Variants in UCHL3 observed in about 807,000 individuals in gnomAD.
UCHL3 encodes the protein ubiquitin C-terminal hydrolase L3, also known as ubiquitin carboxyl-terminal hydrolase isozyme L3.
Under a neutral mutation model 35.8 loss-of-function variants are expected in UCHL3, and 22 were observed. The observed-to-expected ratio is 0.61, with a 90% CI of 0.44 to 0.88. UCHL3 has a LOEUF of 0.88. Ranked by LOEUF, UCHL3 falls within the 40% of genes least tolerant of loss-of-function variation. The pLI, the probability that UCHL3 is intolerant of heterozygous loss-of-function variation, is 0.00. For synonymous variants in UCHL3, 90 were observed against 92.8 expected, an observed-to-expected ratio of 0.97 and a Z score of 0.17; for missense variants, 229 against 276.9, an observed-to-expected ratio of 0.83 and a Z score of 1.23.
At chr13:75,597,995 A>T (rs2032688403) in intron 7 of UCHL3, among the ~76,000 whole-genome samples, 1 of 152,210 alleles carries the variant, frequency 6.6e-6, no homozygotes, top group Non-Finnish European at 1.5e-5. Flanking sequence ...TTTAAAATAG[A>T]TAAAATGACT....
rs183386770 is a variant in UCHL3 at position 75,564,391 on chromosome 13, C to T, written c.184-2304C>T. On this transcript the variant is annotated intron_variant, in intron 3 of 8. Transcript: ENST00000377595. ...GGTCTCGATCTCCTGACCTCGTGAT[C>T]CACCCGCCTTGGCCTCCCAAAGTGC... is the stretch of plus-strand genomic sequence containing the variant. 1.7e-3 allele frequency among the ~76,000 whole-genome samples: 266 copies of T among 152,068 alleles called. 1 individual carries two copies. The highest frequency in any genetic ancestry group is 6.0e-3 in the African/African-American group (248 of 41,466).
intron 2 of UCHL3, among the ~76,000 whole-genome samples, chr13:75,551,379 C>T (rs1284339357): frequency 6.7e-6 from 1 of 149,784 alleles, no homozygotes; most frequent in African/African-American, 2.5e-5. Context: ...TGCATTGAGC[C>T]GAGATTGTGC....
chr13:75,559,906 A>G (rs1021747726), intron 2 of UCHL3, among the ~76,000 whole-genome samples: 1 of 152,306 alleles, frequency 6.6e-6, no homozygotes, highest in Non-Finnish European at 1.5e-5. Flanking sequence ...TGAAAATGAC[A>G]TTCTCATTTT....
chr13:75,589,980 A>G, intron 6 of UCHL3: 1 of 1,304,868 alleles, frequency 7.7e-7, no homozygotes, highest in Non-Finnish European at 1.0e-6. Flanking sequence ...TAGCCACTGC[A>G]GAACGAAGGC....
chr13:75,584,504 G>T (rs554902362), intron 6 of UCHL3, among the ~76,000 whole-genome samples: 17 of 152,264 alleles, frequency 1.1e-4, no homozygotes, highest in African/African-American at 3.9e-4. Flanking sequence ...GACTAGGTTG[G>T]CTTATCCCCA....
chr13:75,600,166 G>A (rs777524100), intron 7 of UCHL3, among the ~76,000 whole-genome samples: 2 of 152,222 alleles, frequency 1.3e-5, no homozygotes, highest in African/African-American at 2.4e-5. Context: ...TCTGAAGCTA[G>A]CAGTTGGTTC....
chr13:75,585,564 C>A (rs2032300581), intron 6 of UCHL3, among the ~76,000 whole-genome samples: 1 of 151,996 alleles, frequency 6.6e-6, no homozygotes. Flanking sequence ...AAACTTGGAG[C>A]TATACAAAGA....
intron 7 of UCHL3, among the ~76,000 whole-genome samples, chr13:75,603,880 ATATT>A (rs1383667351): frequency 1.3e-5 from 2 of 152,118 alleles, no homozygotes. Context: ...AGGATTTTGA[ATATT>A]TATCTCAATG....
At chr13:75,566,574 T>C in intron 3 of UCHL3, 121 bp from the exon 4 acceptor site, 2 of 665,562 alleles carry the variant, frequency 3.0e-6, no homozygotes, top group Non-Finnish European at 2.3e-6. Flanking sequence ...ATTAATTCTT[T>C]TATTTTAAAC....
At chr13:75,556,304 A>T (rs2031291942) in intron 2 of UCHL3, among the ~76,000 whole-genome samples, 1 of 152,174 alleles carries the variant, frequency 6.6e-6, no homozygotes, top group African/African-American at 2.4e-5. Context: ...TCTCATTAAA[A>T]TTTATTTTTG....
At chr13:75,563,060 A>G (rs1198051326) in intron 3 of UCHL3, among the ~76,000 whole-genome samples, 1 of 152,162 alleles carries the variant, frequency 6.6e-6, no homozygotes, top group African/African-American at 2.4e-5. Flanking sequence ...TAGAAATTGA[A>G]TATGTAGTTG....
chr13:75,560,913 T>G (rs1295648022), intron 3 of UCHL3, 32 bp downstream of exon 3: 2 of 1,484,178 alleles, frequency 1.3e-6, no homozygotes, highest in African/African-American at 2.9e-5. Context: ...AAGTTTCTGG[T>G]AAATACAATT....
At chr13:75,577,140 G>T (rs908339453) in intron 6 of UCHL3, among the ~76,000 whole-genome samples, 2 of 152,162 alleles carry the variant, frequency 1.3e-5, no homozygotes, top group Admixed American at 6.5e-5. Flanking sequence ...CTACTCTGTA[G>T]TTGGGAGGCT....
intron 2 of UCHL3, among the ~76,000 whole-genome samples, chr13:75,554,496 A>G (rs1372047411): frequency 6.6e-6 from 1 of 152,192 alleles, no homozygotes; most frequent in African/African-American, 2.4e-5. Context: ...TCTTCTTGCA[A>G]AGGCTATTCC....
intron 4 of UCHL3, 29 bp downstream of exon 4, chr13:75,566,880 T>G: frequency 1.9e-6 from 3 of 1,573,054 alleles, no homozygotes; most frequent in Non-Finnish European, 2.6e-6. Flanking sequence ...CTGCATTTTT[T>G]CCCCCTTAAG....
At chr13:75,567,520 A>G (rs2138493200) in intron 5 of UCHL3, among the ~76,000 whole-genome samples, 1 of 152,016 alleles carries the variant, frequency 6.6e-6, no homozygotes, top group East Asian at 1.9e-4. Context: ...TTCAGAGCTG[A>G]CTGAATGGAT....
chr13:75,557,536 G>C (rs879355969), intron 2 of UCHL3, among the ~76,000 whole-genome samples: 68 of 152,170 alleles, frequency 4.5e-4, no homozygotes, highest in African/African-American at 1.6e-3. Context: ...AGTTTGAAAA[G>C]CCAGAAGACT....
intron 6 of UCHL3, among the ~76,000 whole-genome samples, chr13:75,572,850 T>C (rs770887855): frequency 2.0e-5 from 3 of 152,232 alleles, no homozygotes; most frequent in Non-Finnish European, 4.4e-5. Context: ...CTAGTTGCCA[T>C]ATGTTAGTGT....
intron 6 of UCHL3, among the ~76,000 whole-genome samples, chr13:75,570,978 A>T (rs1231130286): frequency 1.3e-5 from 2 of 152,070 alleles, no homozygotes; most frequent in Admixed American, 1.3e-4. Context: ...ATTGTTTTTG[A>T]CTAAGTTTAT....
Sources: allele counts gnomAD v4.1 joint callset (sites outside exome capture counted in the v4.1 genomes callset), GRCh38; gene constraint gnomAD v4.1.1; transcripts MANE v1.5; gene names NCBI Gene and HGNC (gene_info 2026-07-23, HGNC 2026-07-21).